The following USP54 variants were observed in gnomAD, a reference collection of about 807,000 sequenced individuals.
The protein encoded by USP54 is ubiquitin specific peptidase 54, also known as ubiquitin carboxyl-terminal hydrolase 54.
A neutral mutation model predicts 170.5 loss-of-function variants in USP54; 87 were observed. That is an observed-to-expected ratio of 0.51 (90% confidence interval 0.43 to 0.61). The LOEUF is 0.61. Ranked by LOEUF, USP54 falls within the 20% of genes least tolerant of loss-of-function variation. The pLI, the probability that USP54 is intolerant of heterozygous loss-of-function variation, is 0.00. For missense variants in USP54, 1,786 were observed against 2,047.8 expected, an observed-to-expected ratio of 0.87 and a Z score of 2.47; for synonymous variants, 655 against 742.8, an observed-to-expected ratio of 0.88 and a Z score of 1.92.
chr10:73,568,864 G>A (rs887775842), intron 4 of USP54, among the ~76,000 whole-genome samples: 1 of 152,168 alleles, frequency 6.6e-6, no homozygotes, highest in Admixed American at 6.5e-5. Flanking sequence ...CTGTACTTGT[G>A]TGTCTCAGAG....
intron 20 of USP54, among the ~76,000 whole-genome samples, chr10:73,515,487 C>A (rs866599621): frequency 6.6e-6 from 1 of 152,144 alleles, no homozygotes; most frequent in African/African-American, 2.4e-5. Context: ...CAGGTGCAGG[C>A]TCTACTCTTC....
intron 7 of USP54, 72 bp downstream of exon 7, chr10:73,542,731 A>T: frequency 8.7e-6 from 2 of 230,798 alleles, no homozygotes; most frequent in Non-Finnish European, 1.5e-5. Context: ...ACTCTGTCTC[A>T]AAAAAAAAAA....
chr10:73,516,664 C>T lies in USP54; in HGVS notation c.3762G>A (p.Leu1254=), dbSNP rs1436376863. 3 of 1,614,088 alleles carry T rather than the reference C, an allele frequency of 1.9e-6. No individual in the cohort carries two copies. Among genetic ancestry groups the T allele is most frequent in the Admixed American group, 3.3e-5 (2 of 60,008 alleles). The change falls in exon 20 of 24, where the codon TTG becomes TTA. Residue 1254 remains leucine, a synonymous_variant. Coordinates refer to ENST00000687698, the MANE Select transcript of USP54 (RefSeq NM_001391956.1). ...RSKDLGSSTD[L]GTSLPLDSWV... ...AGGAATCCAAAGGCAAGGAAGTCCCCAAGTCAGTACTGCTGCCCAGATCCT... is the reference window on the plus strand; with the variant it reads ...AGGAATCCAAAGGCAAGGAAGTCCCTAAGTCAGTACTGCTGCCCAGATCCT...
intron 1 of USP54, among the ~76,000 whole-genome samples, chr10:73,622,596 T>C (rs895478754): frequency 2.0e-5 from 3 of 152,072 alleles, no homozygotes; most frequent in Admixed American, 6.6e-5. Context: ...AGTGCTGTGA[T>C]GACAGGCCTG....
intron 1 of USP54, among the ~76,000 whole-genome samples, chr10:73,597,399 T>A (rs1176135130): frequency 6.6e-6 from 1 of 152,186 alleles, no homozygotes; most frequent in Non-Finnish European, 1.5e-5. Flanking sequence ...AACCTAAGAT[T>A]GGTGCTCAAG....
At chr10:73,559,601 G>T (rs1486022916) in intron 4 of USP54, among the ~76,000 whole-genome samples, 1 of 150,494 alleles carries the variant, frequency 6.6e-6, no homozygotes, top group Non-Finnish European at 1.5e-5. Context: ...GGTGGAAGGC[G>T]CCTGTAATCC....
intron 15 of USP54, 91 bp from the exon 16 acceptor site, chr10:73,526,871 T>G: frequency 2.3e-6 from 3 of 1,295,990 alleles, no homozygotes; most frequent in South Asian, 2.9e-5. Context: ...AAAAAAAAAA[T>G]CAAACTACAC....
rs117117561 is a variant in USP54, at chr10:73,622,204, G to C, written c.-18+3363C>G. Among the ~76,000 whole-genome samples the C allele has an allele frequency of 2.6e-3, 391 of 152,296 alleles. 1 individual carries two copies. Among genetic ancestry groups the C allele is most frequent in the Non-Finnish European group, 4.2e-3 (288 of 68,026 alleles). On this transcript the variant is annotated intron_variant, in intron 1 of 22. Transcript: ENST00000339859. Reference sequence around the variant, plus strand: ...TAACTAGTACCAGCTGCAGAGCAGAGTGTTGTTATAAGATAAAATGAGATA... The same window carrying C: ...TAACTAGTACCAGCTGCAGAGCAGACTGTTGTTATAAGATAAAATGAGATA...
chr10:73,519,900 G>GTT lies in USP54; in HGVS notation c.2574_2575insAA (p.Arg859AsnfsTer46). On this transcript the variant is annotated frameshift_variant, in exon 19 of 24. Coordinates refer to ENST00000687698, the MANE Select transcript of USP54 (RefSeq NM_001391956.1). LOFTEE classifies it high-confidence loss of function. ...TGCTGCATGCGATCCTGCAGGCTCC[G>GTT]TGCTTTTCGAATACTGATTTGCAAC... The GTT allele has an allele frequency of 6.2e-7, 1 of 1,614,116 alleles. No homozygotes were observed. The highest frequency in any genetic ancestry group is 8.5e-7 in the Non-Finnish European group (1 of 1,180,024).
At chr10:73,524,603 C>A (rs142338854) in intron 16 of USP54, among the ~76,000 whole-genome samples, 1 of 152,032 alleles carries the variant, frequency 6.6e-6, no homozygotes, top group Non-Finnish European at 1.5e-5. Context: ...ATAATAACAA[C>A]AACAACAACA....
rs1212404863 is a variant in USP54, at chr10:73,516,549, A to C, written c.3877T>G (p.Cys1293Gly). Residue 1293 changes from cysteine to glycine, a missense_variant, in exon 20 of 24, where the codon TGT becomes GGT. Coordinates refer to ENST00000687698, the MANE Select transcript of USP54 (RefSeq NM_001391956.1). ...MKSSPHDSHT[C>G]VTYPERNHIL... is the part of the protein sequence containing the mutation. ...TGATTTCTCTCTGGATAGGTTACAC[A>C]CGTATGGGAATCATGAGGGGAGGAC... 1.2e-6 allele frequency: 2 copies of C among 1,614,056 alleles called. No individual in the cohort carries two copies.
At chr10:73,604,498 G>A (rs915963978) in intron 1 of USP54, among the ~76,000 whole-genome samples, 2 of 151,970 alleles carry the variant, frequency 1.3e-5, no homozygotes, top group African/African-American at 4.8e-5. Context: ...GCTCACACAC[G>A]TAATCCCAGT....
chr10:73,539,740 T>G (rs1789979493), intron 9 of USP54, 147 bp from the exon 10 acceptor site: 3 of 932,222 alleles, frequency 3.2e-6, no homozygotes, highest in Non-Finnish European at 4.5e-6. Flanking sequence ...TTTAGATTAA[T>G]CATCAGAATT....
At chr10:73,619,544 A>G (rs531629289) in intron 1 of USP54, among the ~76,000 whole-genome samples, 2 of 149,934 alleles carry the variant, frequency 1.3e-5, no homozygotes, top group South Asian at 4.2e-4. Context: ...AAAAAAAAAA[A>G]AAAGAAAGAA....
upstream of USP54, among the ~76,000 whole-genome samples, chr10:73,595,168 C>T (rs2078628223): frequency 6.6e-6 from 1 of 152,036 alleles, no homozygotes; most frequent in African/African-American, 2.4e-5. Flanking sequence ...TCAGGTGATC[C>T]ACCCACCTCA....
intron 4 of USP54, among the ~76,000 whole-genome samples, chr10:73,566,556 C>G (rs539761102): frequency 6.6e-6 from 1 of 151,820 alleles, no homozygotes; most frequent in Admixed American, 6.6e-5. Context: ...CATGGTGAAA[C>G]CCCATCTCTA....
Position 73,526,742 on chromosome 10 carries a change from G to A in USP54, c.2099C>T (p.Ser700Phe). Residue 700 changes from serine to phenylalanine, a missense_variant, in exon 16 of 24, where the codon TCC becomes TTC. By Grantham distance (155) the Ser-to-Phe change is radical. Transcript: ENST00000687698. The part of the protein sequence containing the change: ...SAKRSAGLVP[S>F]WRHIPKSHSS... Reference sequence around the variant, plus strand: ...GTGCGACTTTGGGATATGACGCCAGGAAGGAACCAACCCAGCTGATCTCTT... The same window carrying A: ...GTGCGACTTTGGGATATGACGCCAGAAAGGAACCAACCCAGCTGATCTCTT... 2 of 1,614,072 alleles carry A rather than the reference G, an allele frequency of 1.2e-6. No individual in the cohort carries two copies. Among genetic ancestry groups the A allele is most frequent in the South Asian group, 2.2e-5 (2 of 91,084 alleles).
chr10:73,499,702 G>T, intron 23 of USP54: 1 of 152,814 alleles, frequency 6.5e-6, no homozygotes, highest in Non-Finnish European at 1.5e-5. Flanking sequence ...GAGACGCTGT[G>T]CCTTGCTTTT....
intron 1 of USP54, among the ~76,000 whole-genome samples, chr10:73,604,136 C>T (rs565860457): frequency 6.6e-6 from 1 of 152,096 alleles, no homozygotes; most frequent in South Asian, 2.1e-4. Flanking sequence ...GTAGTCCCAG[C>T]TACTCAGGAG....
Sources: gnomAD v4.1 joint callset for allele counts (sites outside exome capture counted in the v4.1 genomes callset) on GRCh38, gnomAD v4.1.1 for gene constraint, MANE v1.5 for transcripts, NCBI Gene and HGNC (gene_info 2026-07-23, HGNC 2026-07-21) for gene names.